The following OSBPL8 variants were observed in gnomAD, a reference collection of about 807,000 sequenced individuals.
OSBPL8 encodes oxysterol-binding protein-related protein 8.
Under a neutral mutation model 125.5 loss-of-function variants are expected in OSBPL8, and 59 were observed. That is an observed-to-expected ratio of 0.47 (90% CI 0.38 to 0.58). The LOEUF is 0.58. Among genes scored for constraint, OSBPL8 ranks in the 20% least tolerant of loss-of-function variants. The pLI is 0.00. For missense variants in OSBPL8, 758 were observed against 1,047.8 expected (o/e 0.72, Z 3.82); for synonymous variants, 330 against 338.9 (o/e 0.97, Z 0.29).
chr12:76,399,432 C>T (rs1330768232), intron 7 of OSBPL8, among the ~76,000 whole-genome samples: 3 of 152,140 alleles, frequency 2.0e-5, no homozygotes, highest in African/African-American at 7.2e-5. Context: ...GTGTGCTTGT[C>T]TGATAATTAA....
At chr12:76,526,594 C>T (rs180696730) in intron 1 of OSBPL8, among the ~76,000 whole-genome samples, 15 of 143,090 alleles carry the variant, frequency 1.0e-4, no homozygotes, top group South Asian at 2.2e-4. Flanking sequence ...AAAAATTACA[C>T]GAGGAGATAC....
chr12:76,442,514 C>A (rs1872305403), intron 4 of OSBPL8, among the ~76,000 whole-genome samples: 1 of 151,832 alleles, frequency 6.6e-6, no homozygotes, highest in African/African-American at 2.4e-5. Context: ...TTTTAAAACT[C>A]AGAAGAAAAT....
intron 2 of OSBPL8, among the ~76,000 whole-genome samples, chr12:76,473,101 C>T (rs1375554439): frequency 6.6e-6 from 1 of 152,158 alleles, no homozygotes; most frequent in Non-Finnish European, 1.5e-5. Context: ...ACAGAAGGCT[C>T]ACACTCTTGT....
chr12:76,467,619 T>C (rs1875615739), intron 2 of OSBPL8, among the ~76,000 whole-genome samples: 1 of 152,122 alleles, frequency 6.6e-6, no homozygotes. Context: ...AATTATTAAA[T>C]TCTGATTTTT....
chr12:76,400,792 C>CT (rs879470526), intron 6 of OSBPL8, among the ~76,000 whole-genome samples: 1,417 of 137,030 alleles, frequency 0.01, 22 homozygotes, highest in African/African-American at 0.026. Context: ...ATAATTTTAC[C>CT]TTTTTTTTTT....
intron 3 of OSBPL8, among the ~76,000 whole-genome samples, chr12:76,453,037 A>C (rs1054697180): frequency 1.3e-5 from 2 of 151,738 alleles, no homozygotes; most frequent in Admixed American, 1.3e-4. Context: ...ACCACTTCAC[A>C]GTTATACTAT....
intron 4 of OSBPL8, among the ~76,000 whole-genome samples, chr12:76,425,397 T>A (rs1390841811): frequency 6.6e-6 from 1 of 152,192 alleles, no homozygotes; most frequent in East Asian, 1.9e-4. Context: ...ATGCACTATA[T>A]CTTTGAGAAA....
At chr12:76,527,024 T>C (rs891056356) in intron 1 of OSBPL8, among the ~76,000 whole-genome samples, 21 of 152,166 alleles carry the variant, frequency 1.4e-4, no homozygotes, top group African/African-American at 4.8e-4. Flanking sequence ...GGACCTCAGT[T>C]TCCTCATAAG....
chr12:76,483,815 C>G (rs1036002207), intron 2 of OSBPL8, among the ~76,000 whole-genome samples: 1 of 151,394 alleles, frequency 6.6e-6, no homozygotes, highest in South Asian at 2.1e-4. Context: ...GCTGGGATTA[C>G]AGGTGCCCGC....
At chr12:76,459,789 C>A in intron 3 of OSBPL8, 70 bp downstream of exon 3, 2 of 1,540,254 alleles carry the variant, frequency 1.3e-6, no homozygotes, top group Non-Finnish European at 8.9e-7. Context: ...CACCATTTGC[C>A]TTTCATAATA....
At chr12:76,356,776 G>GGAAGAAA (rs761607107) in intron 22 of OSBPL8, 48 bp from the exon 23 acceptor site, 2 of 1,313,092 alleles carry the variant, frequency 1.5e-6, no homozygotes, top group Admixed American at 2.0e-5. Context: ...ATAATCTACA[G>GGAAGAAA]TTCAATTTAA....
intron 14 of OSBPL8, chr12:76,385,945 A>G: frequency 1.8e-6 from 1 of 556,460 alleles, no homozygotes; most frequent in Non-Finnish European, 2.6e-6. Context: ...AGGAAAAATA[A>G]AGATTTATTT....
intron 13 of OSBPL8, 150 bp downstream of exon 13, chr12:76,386,429 A>T: frequency 7.8e-7 from 1 of 1,287,776 alleles, no homozygotes; most frequent in Non-Finnish European, 1.0e-6. Flanking sequence ...CTTCAATCAT[A>T]ATACATGTCT....
rs934322393 is a variant in OSBPL8, at chr12:76,490,844, C to T, written c.-67-3226G>A. ...AGAGCTAACAGAGCACTGTAATATG[C>T]CCTCTGGGGCTTCAGGAGTCACAGG... is the stretch of plus-strand genomic sequence containing the variant. On this transcript the variant is annotated intron_variant, in intron 1 of 23. Coordinates refer to ENST00000261183, the MANE Select transcript of OSBPL8 (RefSeq NM_020841.5). 4.6e-5 allele frequency among the ~76,000 whole-genome samples: 7 copies of T among 152,346 alleles called. No individual in the cohort carries two copies. The East Asian group carries it at 1.2e-3, about 25-fold the overall frequency.
intron 1 of OSBPL8, among the ~76,000 whole-genome samples, chr12:76,539,743 C>A (rs534519229): frequency 6.6e-6 from 1 of 152,280 alleles, no homozygotes; most frequent in South Asian, 2.1e-4. Flanking sequence ...ATACCAATGG[C>A]TACTATCCCT....
At chr12:76,544,849 A>C (rs1293063446) in intron 1 of OSBPL8, among the ~76,000 whole-genome samples, 1 of 152,188 alleles carries the variant, frequency 6.6e-6, no homozygotes, top group Non-Finnish European at 1.5e-5. Flanking sequence ...CTAAAAAAAA[A>C]AAACAGGAAT....
chr12:76,387,242 A>G (rs1459089724), intron 12 of OSBPL8, among the ~76,000 whole-genome samples: 1 of 152,226 alleles, frequency 6.6e-6, no homozygotes, highest in Admixed American at 6.5e-5. Context: ...TCTTTTGTGC[A>G]AAGTACCTAT....
intron 9 of OSBPL8, among the ~76,000 whole-genome samples, chr12:76,393,560 A>T (rs1449822732): frequency 1.3e-5 from 2 of 150,378 alleles, no homozygotes; most frequent in African/African-American, 4.9e-5. Context: ...AATACACAAA[A>T]ATTAGCCGGG....
chr12:76,458,144 C>T (rs1314304917), intron 3 of OSBPL8, among the ~76,000 whole-genome samples: 1 of 151,930 alleles, frequency 6.6e-6, no homozygotes, highest in African/African-American at 2.4e-5. Flanking sequence ...GCTGGGCACA[C>T]GCTTGTAGTC....
Sources: gnomAD v4.1 joint callset for allele counts (sites outside exome capture counted in the v4.1 genomes callset) on GRCh38, gnomAD v4.1.1 for gene constraint, MANE v1.5 for transcripts, NCBI Gene and HGNC (gene_info 2026-07-23, HGNC 2026-07-21) for gene names.